CXADR: variants seen among roughly 807,000 people sequenced by gnomAD.
CXADR encodes the protein CXADR cell adhesion molecule.
Under a neutral mutation model 40.3 loss-of-function variants are expected in CXADR, and 20 were observed. The ratio of observed to expected loss-of-function variants is 0.50; its 90% confidence interval spans 0.35 to 0.72. The LOEUF is 0.72. CXADR is among the 30% of genes least tolerant of loss of function. The pLI, the probability that CXADR is intolerant of heterozygous loss-of-function variation, is 0.01. For missense variants in CXADR, 332 were observed against 449.1 expected, an observed-to-expected ratio of 0.74 and a Z score of 2.36; for synonymous variants, 150 against 161.3, an observed-to-expected ratio of 0.93 and a Z score of 0.53.
At chr21:17,635,969 TCAG>T in the CXADR span, among the ~76,000 whole-genome samples, 3 of 152,262 alleles carry the variant, frequency 2.0e-5, no homozygotes, top group Admixed American at 6.5e-5. Context: ...TTAATTTTAC[TCAG>T]CAATGTTTTA....
intron 1 of CXADR, among the ~76,000 whole-genome samples, chr21:17,521,124 T>C (rs987193681): frequency 6.6e-6 from 1 of 152,032 alleles, no homozygotes; most frequent in African/African-American, 2.4e-5. Context: ...AACATGAACT[T>C]CTAATAAGTA....
At chr21:17,516,417 T>C (rs2060462751) in intron 1 of CXADR, among the ~76,000 whole-genome samples, 1 of 152,246 alleles carries the variant, frequency 6.6e-6, no homozygotes, top group African/African-American at 2.4e-5. Flanking sequence ...AATGTCATAG[T>C]CTTAATTGAA....
chr21:17,571,219 C>T (rs544170625), downstream of CXADR, among the ~76,000 whole-genome samples: 9 of 152,304 alleles, frequency 5.9e-5, no homozygotes, highest in South Asian at 1.9e-3. Context: ...TTACTAGTTG[C>T]TTCACTTTGC....
At chr21:17,616,209 G>A in the CXADR span, among the ~76,000 whole-genome samples, 4 of 151,344 alleles carry the variant, frequency 2.6e-5, no homozygotes, top group South Asian at 4.2e-4. Context: ...TGAGATCATC[G>A]TGCTCTGCAC....
intron 7 of CXADR, among the ~76,000 whole-genome samples, chr21:17,585,429 A>G (rs761225387): frequency 9.9e-5 from 15 of 152,226 alleles, no homozygotes; most frequent in Non-Finnish European, 2.2e-4. Context: ...ACAACAGTAT[A>G]GGAGTATATA....
intron 1 of CXADR, among the ~76,000 whole-genome samples, chr21:17,528,332 C>T (rs1363724002): frequency 1.3e-5 from 2 of 151,936 alleles, no homozygotes; most frequent in Non-Finnish European, 2.9e-5. Context: ...CCTTGGCCTC[C>T]CAAAGTGCTG....
intron 7 of CXADR, among the ~76,000 whole-genome samples, chr21:17,578,807 G>A (rs984446543): frequency 3.9e-5 from 6 of 152,166 alleles, no homozygotes; most frequent in Non-Finnish European, 8.8e-5. Flanking sequence ...GGGTGACAGA[G>A]CAAAAGACCT....
At chr21:17,615,161 A>G in the CXADR span, among the ~76,000 whole-genome samples, 1 of 152,180 alleles carries the variant, frequency 6.6e-6, no homozygotes, top group East Asian at 1.9e-4. Context: ...AAGTGGAAAC[A>G]TGAGAGAGAT....
At chr21:17,513,952 G>T (rs2060425852) in intron 1 of CXADR, among the ~76,000 whole-genome samples, 1 of 152,296 alleles carries the variant, frequency 6.6e-6, no homozygotes, top group Non-Finnish European at 1.5e-5. Context: ...AATTGCTAGA[G>T]GATTTGCCAA....
At chr21:17,625,334 A>C in the CXADR span, among the ~76,000 whole-genome samples, 1 of 152,162 alleles carries the variant, frequency 6.6e-6, no homozygotes. Context: ...GAAAGAAAAA[A>C]ATTTATTGCA....
At chr21:17,536,662 C>T (rs1461085455) in intron 1 of CXADR, among the ~76,000 whole-genome samples, 2 of 152,162 alleles carry the variant, frequency 1.3e-5, no homozygotes, top group African/African-American at 4.8e-5. Context: ...ATGTAAATAC[C>T]TAGAGGAAAT....
At chr21:17,560,405 G>A (rs935008129) in intron 4 of CXADR, among the ~76,000 whole-genome samples, 1 of 152,294 alleles carries the variant, frequency 6.6e-6, no homozygotes, top group Non-Finnish European at 1.5e-5. Context: ...AGCGTTTATA[G>A]TCTTATGTGC....
At chr21:17,546,596 C>A (rs1009321684) in intron 1 of CXADR, among the ~76,000 whole-genome samples, 2 of 152,114 alleles carry the variant, frequency 1.3e-5, no homozygotes, top group African/African-American at 4.8e-5. Context: ...GGAAATCCAC[C>A]CCCATGATCC....
intron 1 of CXADR, among the ~76,000 whole-genome samples, chr21:17,513,965 G>A (rs951924723): frequency 3.9e-5 from 6 of 152,152 alleles, no homozygotes; most frequent in Admixed American, 2.6e-4. Context: ...TTTGCCAAGT[G>A]CGTTTGTCGA....
chr21:17,554,570 C>G (rs2061010727), intron 3 of CXADR, among the ~76,000 whole-genome samples: 1 of 152,170 alleles, frequency 6.6e-6, no homozygotes, highest in South Asian at 2.1e-4. Flanking sequence ...GACTGGAACT[C>G]TGATCTGGAC....
At chr21:17,610,499 T>G in the CXADR span, among the ~76,000 whole-genome samples, 1 of 152,142 alleles carries the variant, frequency 6.6e-6, no homozygotes, top group African/African-American at 2.4e-5. Flanking sequence ...AAAAACAAAC[T>G]AAAAGAAATA....
At chr21:17,610,673 GTTA>G in the CXADR span, among the ~76,000 whole-genome samples, 19 of 152,160 alleles carry the variant, frequency 1.2e-4, no homozygotes, top group African/African-American at 4.1e-4. Flanking sequence ...GTAACCTGGA[GTTA>G]TTAAGATGCT....
chr21:17,594,053 C>A, downstream of CXADR: 1 of 1,596,742 alleles, frequency 6.3e-7, no homozygotes, highest in Non-Finnish European at 8.5e-7. Context: ...GTTTATTCTA[C>A]CTTTTTCTCA....
At chr21:17,598,884 C>T in the CXADR span, 20 of 1,377,396 alleles carry the variant, frequency 1.5e-5, no homozygotes, top group South Asian at 2.1e-4. Flanking sequence ...CAAAAAATGT[C>T]CATAAAAACA....
Sources: gnomAD v4.1 joint callset for allele counts (sites outside exome capture counted in the v4.1 genomes callset) on GRCh38, gnomAD v4.1.1 for gene constraint, MANE v1.5 for transcripts, NCBI Gene and HGNC (gene_info 2026-07-23, HGNC 2026-07-21) for gene names.